ARL6: variants seen among roughly 807,000 people sequenced by gnomAD.
ARL6 encodes the protein ADP-ribosylation factor-like protein 6.
A neutral mutation model predicts 27.1 loss-of-function variants in ARL6; 18 were observed. The observed-to-expected ratio is 0.66, with a 90% CI of 0.46 to 0.98. The LOEUF is 0.98. ARL6 is among the 50% of genes least tolerant of loss of function. The probability of loss-of-function intolerance (pLI) is 0.00; values close to 1 mark genes in which losing one functional copy is unlikely to be tolerated. For synonymous variants in ARL6, 65 were observed against 72.3 expected (o/e 0.90, Z 0.51); for missense variants, 187 against 214.9 (o/e 0.87, Z 0.81).
intron 2 of ARL6, among the ~76,000 whole-genome samples, chr3:97,776,346 T>C (rs2036900440): frequency 6.6e-6 from 1 of 152,222 alleles, no homozygotes; most frequent in Non-Finnish European, 1.5e-5. Flanking sequence ...ATGAGTTTTT[T>C]GTGGAAAGCA....
intron 7 of ARL6, among the ~76,000 whole-genome samples, chr3:97,792,829 T>A (rs2037809217): frequency 6.6e-6 from 1 of 152,176 alleles, no homozygotes; most frequent in Non-Finnish European, 1.5e-5. Context: ...TTTCTGAGCA[T>A]AACAACTAGA....
intron 2 of ARL6, among the ~76,000 whole-genome samples, chr3:97,775,804 A>C (rs1237907455): frequency 6.6e-6 from 1 of 152,092 alleles, no homozygotes; most frequent in Non-Finnish European, 1.5e-5. Flanking sequence ...AAGATACTTG[A>C]TATGATTTCT....
intron 4 of ARL6, among the ~76,000 whole-genome samples, chr3:97,783,576 T>G (rs79217967): frequency 0.02 from 3,080 of 151,978 alleles, 79 homozygotes; most frequent in African/African-American, 0.068. Flanking sequence ...TCAAAGTGAT[T>G]GAACGTTTTT....
chr3:97,792,212 G>T (rs904530634), intron 7 of ARL6, among the ~76,000 whole-genome samples: 1 of 152,180 alleles, frequency 6.6e-6, no homozygotes, highest in Non-Finnish European at 1.5e-5. Flanking sequence ...GAATCATGCT[G>T]GCCGGGCACG....
chr3:97,780,484 T>C, intron 3 of ARL6, 131 bp from the exon 4 acceptor site: 1 of 803,302 alleles, frequency 1.2e-6, no homozygotes, highest in South Asian at 1.6e-5. Flanking sequence ...TCATAGAACT[T>C]TTACTTGTAA....
At chr3:97,782,520 T>C (rs1053202573) in intron 4 of ARL6, among the ~76,000 whole-genome samples, 6 of 151,882 alleles carry the variant, frequency 4.0e-5, no homozygotes, top group African/African-American at 1.2e-4. Context: ...AACAAGTACA[T>C]TTTGATCTAT....
chr3:97,795,724 G>T (rs1215516614), intron 7 of ARL6, among the ~76,000 whole-genome samples: 1 of 152,128 alleles, frequency 6.6e-6, no homozygotes, highest in African/African-American at 2.4e-5. Context: ...AAGGATGAAC[G>T]TGGGATGAAA....
chr3:97,794,889 C>CT (rs1427672405), intron 7 of ARL6, among the ~76,000 whole-genome samples: 14 of 151,992 alleles, frequency 9.2e-5, no homozygotes, highest in Non-Finnish European at 1.0e-4. Flanking sequence ...AGTTCGATAC[C>CT]AGCCTAGCCA....
intron 4 of ARL6, among the ~76,000 whole-genome samples, chr3:97,781,389 G>A (rs1201465443): frequency 2.7e-5 from 4 of 150,754 alleles, no homozygotes; most frequent in Non-Finnish European, 5.9e-5. Context: ...AAATATTTGG[G>A]GAGAAAAATG....
At chr3:97,780,565 A>G (rs2037142105) in intron 3 of ARL6, 50 bp from the exon 4 acceptor site, 2 of 1,459,320 alleles carry the variant, frequency 1.4e-6, no homozygotes, top group South Asian at 1.1e-5. Context: ...ATTTTAAGTA[A>G]AAGTTATGCT....
At chr3:97,796,925 T>C (rs1456430809) in intron 7 of ARL6, among the ~76,000 whole-genome samples, 1 of 152,170 alleles carries the variant, frequency 6.6e-6, no homozygotes, top group Non-Finnish European at 1.5e-5. Context: ...GAATTTACTT[T>C]CTGTCCTTTT....
At chr3:97,770,158 C>T (rs563574942) in intron 2 of ARL6, among the ~76,000 whole-genome samples, 2 of 152,008 alleles carry the variant, frequency 1.3e-5, no homozygotes, top group African/African-American at 2.4e-5. Context: ...CAACAATCTA[C>T]GAGAGTTCCC....
chr3:97,795,888 G>A (rs890394465), intron 7 of ARL6, among the ~76,000 whole-genome samples: 16 of 152,174 alleles, frequency 1.1e-4, no homozygotes, highest in African/African-American at 3.6e-4. Flanking sequence ...TTTTCATGCT[G>A]AATATTATAA....
At chr3:97,787,705 G>A (rs1355336449) in intron 5 of ARL6, among the ~76,000 whole-genome samples, 1 of 151,952 alleles carries the variant, frequency 6.6e-6, no homozygotes, top group African/African-American at 2.4e-5. Flanking sequence ...ATGCTTTTTT[G>A]TAGGTACTTC....
At chr3:97,774,057 C>T (rs2036767372) in intron 2 of ARL6, among the ~76,000 whole-genome samples, 1 of 152,174 alleles carries the variant, frequency 6.6e-6, no homozygotes, top group African/African-American at 2.4e-5. Context: ...TCCTATATTC[C>T]ATACATACTC....
chr3:97,790,206 A>G (rs889455783), intron 6 of ARL6, among the ~76,000 whole-genome samples: 2 of 148,016 alleles, frequency 1.4e-5, no homozygotes, highest in Non-Finnish European at 2.9e-5. Context: ...TGATAATAAG[A>G]GAAAGAATAG....
At chr3:97,768,306 C>T (rs979777222) in intron 2 of ARL6, 76 bp downstream of exon 2, 95 of 1,454,088 alleles carry the variant, frequency 6.5e-5, no homozygotes, top group African/African-American at 3.9e-4. Flanking sequence ...TGTTATATGA[C>T]GTTAAAACCG....
chr3:97,800,512 A>C lies in ARL6; in HGVS notation c.*2463A>C, dbSNP rs946515021. ...TATTTAAATATTTGTATATGGCCCT[A>C]TTCAGCCTGTGCTTTATAAATCACA... On this transcript the variant is annotated 3_prime_UTR_variant, in exon 8 of 8. Transcript: ENST00000463745. 2.0e-5 allele frequency: 3 copies of C among 152,142 alleles called. No homozygotes were observed. Among genetic ancestry groups the C allele is most frequent in the Admixed American group, 2.0e-4 (3 of 15,258 alleles). The allele number at this position is 152,142 out of a possible 1,614,324, so 9.4% of individuals were successfully genotyped here. A position where few individuals can be genotyped will look rare whatever the true frequency, so the allele number is the denominator to read the frequency against.
intron 2 of ARL6, among the ~76,000 whole-genome samples, chr3:97,773,129 A>G (rs575834970): frequency 5.9e-5 from 9 of 152,316 alleles, no homozygotes; most frequent in South Asian, 4.1e-4. Context: ...AGGCTCCACA[A>G]TAGTCTGTCT....
Sources: gnomAD v4.1 joint callset for allele counts (sites outside exome capture counted in the v4.1 genomes callset) on GRCh38, gnomAD v4.1.1 for gene constraint, MANE v1.5 for transcripts, NCBI Gene and HGNC (gene_info 2026-07-23, HGNC 2026-07-21) for gene names.